EIF1AX: variants seen among roughly 807,000 people sequenced by gnomAD.
EIF1AX encodes eukaryotic translation initiation factor 1A, X-chromosomal.
Under a neutral mutation model 16.1 loss-of-function variants are expected in EIF1AX, and 1 was observed. That is an observed-to-expected ratio of 0.06 (90% CI 0.02 to 0.30). EIF1AX has a LOEUF of 0.30. EIF1AX is among the 10% of genes least tolerant of loss of function. The probability of loss-of-function intolerance (pLI) is 1.00; values close to 1 mark genes in which losing one functional copy is unlikely to be tolerated. For missense variants in EIF1AX, 11 were observed against 109.1 expected, an observed-to-expected ratio of 0.10 and a Z score of 4.00; for synonymous variants, 32 against 37.3, an observed-to-expected ratio of 0.86 and a Z score of 0.51.
intron 2 of EIF1AX, among the ~76,000 whole-genome samples, chrX:20,138,107 C>T (rs1284788502): frequency 1.1e-5 from 1 of 94,344 alleles, no homozygotes; most frequent in Non-Finnish European, 2.0e-5. Context: ...CAGGTTCAAA[C>T]AATTCTCCTG....
chrX:20,129,358 C>T (rs907371832), intron 6 of EIF1AX, among the ~76,000 whole-genome samples: 2 of 111,616 alleles, frequency 1.8e-5, no homozygotes, highest in African/African-American at 6.5e-5. Flanking sequence ...AGGTGATCCT[C>T]CCCTATCAGT....
intron 5 of EIF1AX, among the ~76,000 whole-genome samples, chrX:20,131,541 C>G (rs954771958): frequency 1.8e-5 from 2 of 110,016 alleles, no homozygotes; most frequent in Non-Finnish European, 3.8e-5. Flanking sequence ...CTGAGAATCG[C>G]TTGAACCTGG....
Position 20,140,852 on chromosome X carries a change from G to GTT in EIF1AX, c.16+771_16+772dup, listed in dbSNP as rs1231473739. On this transcript the variant is annotated intron_variant, in intron 1 of 6. Transcript: ENST00000379607. Reference sequence around the variant, plus strand: ...TAGGAGTGTTCTGTTTTTTGTTTTTGTTTTTTTTTTTTTAAGATTAGGCCT... The same window carrying GTT: ...TAGGAGTGTTCTGTTTTTTGTTTTTGTTTTTTTTTTTTTTTAAGATTAGGCCT... Among the ~76,000 whole-genome samples the GTT allele has an allele frequency of 7.1e-3, 693 of 98,250 alleles. 9 individuals are homozygous for GTT. The highest frequency in any genetic ancestry group is 0.024 in the African/African-American group (661 of 27,149). 85.3% of individuals were successfully genotyped at this position (98,250 alleles called of 115,157 possible). A position where few individuals can be genotyped will look rare whatever the true frequency, so the allele number is the denominator to read the frequency against.
chrX:20,138,743 T>G (rs933485508), intron 1 of EIF1AX, 121 bp from the exon 2 acceptor site: 1 of 483,862 alleles, frequency 2.1e-6, no homozygotes, highest in African/African-American at 2.5e-5. Flanking sequence ...AATTAAAAAA[T>G]TCATCTATTT....
chrX:20,137,424 C>T (rs189292196), intron 2 of EIF1AX, among the ~76,000 whole-genome samples: 3,048 of 110,256 alleles, frequency 0.028, 123 homozygotes, highest in African/African-American at 0.096. Context: ...CCAGCCTGGG[C>T]GACAGAGCGA....
At chrX:20,132,568 T>C (rs2067004447) in intron 4 of EIF1AX, among the ~76,000 whole-genome samples, 1 of 112,045 alleles carries the variant, frequency 8.9e-6, no homozygotes. Flanking sequence ...ATCAGAAGTC[T>C]TTTGAAGTAC....
intron 4 of EIF1AX, among the ~76,000 whole-genome samples, chrX:20,132,512 G>T (rs953653106): frequency 9.0e-6 from 1 of 111,680 alleles, no homozygotes; most frequent in Non-Finnish European, 1.9e-5. Context: ...AATAAGAGCA[G>T]AACTGTGCAT....
intron 6 of EIF1AX, among the ~76,000 whole-genome samples, chrX:20,128,897 C>T (rs1569172769): frequency 9.1e-6 from 1 of 110,347 alleles, no homozygotes; most frequent in Non-Finnish European, 1.9e-5. Flanking sequence ...GTGCATGCGG[C>T]TTCATATCCA....
intron 6 of EIF1AX, 142 bp downstream of exon 6, chrX:20,130,371 AAAT>A (rs1357952276): frequency 2.0e-6 from 1 of 490,187 alleles, no homozygotes; most frequent in Non-Finnish European, 2.9e-6. Flanking sequence ...GGTGTCTTCT[AAAT>A]AATATTATTT....
At chrX:20,128,855 G>A (rs1312534151) in intron 6 of EIF1AX, among the ~76,000 whole-genome samples, 2 of 111,003 alleles carry the variant, frequency 1.8e-5, no homozygotes, top group Non-Finnish European at 3.8e-5. Flanking sequence ...AGAAAATCTT[G>A]ACCACGCCTA....
chrX:20,125,045 T>C lies in EIF1AX; in HGVS notation c.*3261A>G. On this transcript the variant is annotated 3_prime_UTR_variant, in exon 7 of 7. Coordinates refer to ENST00000379607, the MANE Select transcript of EIF1AX (RefSeq NM_001412.4). Reference sequence around the variant, plus strand: ...AAATTATCAATCCTCCCAACAATTCTGCATGACAGGTACTGTTTTCATCAT... The same window carrying C: ...AAATTATCAATCCTCCCAACAATTCCGCATGACAGGTACTGTTTTCATCAT... The C allele has an allele frequency of 6.8e-6, 1 of 146,013 alleles. No homozygotes were observed. Among genetic ancestry groups the C allele is most frequent in the Non-Finnish European group, 1.4e-5 (1 of 72,950 alleles). The allele number at this position is 146,013 out of a possible 1,213,427, so 12.0% of individuals were successfully genotyped here.
chrX:20,134,675 T>C (rs1012576717), intron 3 of EIF1AX, among the ~76,000 whole-genome samples: 4 of 110,455 alleles, frequency 3.6e-5, no homozygotes, highest in East Asian at 5.7e-4. Context: ...GAGGCGGAGA[T>C]TGCACTGAGC....
At chrX:20,141,485 G>A in intron 1 of EIF1AX, 140 bp downstream of exon 1, 1 of 706,851 alleles carries the variant, frequency 1.4e-6, no homozygotes, top group Non-Finnish European at 2.0e-6. Context: ...GCTCAGAGTC[G>A]CGTGTGGGGC....
intron 6 of EIF1AX, among the ~76,000 whole-genome samples, chrX:20,129,720 C>A (rs2066995345): frequency 1.8e-5 from 2 of 112,054 alleles, no homozygotes; most frequent in Admixed American, 1.9e-4. Flanking sequence ...CTAAAAATAC[C>A]ATAATTGGCA....
intron 2 of EIF1AX, 108 bp downstream of exon 2, chrX:20,138,431 C>A: frequency 1.5e-6 from 1 of 646,545 alleles, no homozygotes; most frequent in Non-Finnish European, 2.5e-6. Flanking sequence ...ATCGTGCCAC[C>A]ACACTTCACC....
rs537579174 is a variant in EIF1AX, at chrX:20,129,187, A to G, written c.430-876T>C. On this transcript the variant is annotated intron_variant, in intron 6 of 6. Transcript: ENST00000379607. Reference sequence around the variant, plus strand: ...TTGTGTACATGTTAAAATGTCTATAATATTAGTAATTTAACTCACAGTGTG... The same window carrying G: ...TTGTGTACATGTTAAAATGTCTATAGTATTAGTAATTTAACTCACAGTGTG... Among the ~76,000 whole-genome samples, 7 of 111,986 alleles carry G rather than the reference A, an allele frequency of 6.3e-5. No homozygotes were observed. In the South Asian group the frequency reaches 2.2e-3, roughly 35 times the overall value.
intron 2 of EIF1AX, among the ~76,000 whole-genome samples, chrX:20,138,118 C>T (rs2067023390): frequency 9.5e-6 from 1 of 105,068 alleles, no homozygotes; most frequent in South Asian, 4.3e-4. Flanking sequence ...AATTCTCCTG[C>T]CTCAGCCTCC....
At chrX:20,130,302 C>CAAAAAAA (rs773734086) in intron 6 of EIF1AX, among the ~76,000 whole-genome samples, 48 of 28,451 alleles carry the variant, frequency 1.7e-3, no homozygotes, top group Non-Finnish European at 2.0e-3. Flanking sequence ...AACTCCATCA[C>CAAAAAAA]AAAAAAAAAA....
chrX:20,132,258 G>A lies in EIF1AX; in HGVS notation c.261C>T (p.Asn87=). The A allele has an allele frequency of 8.5e-7, 1 of 1,176,003 alleles. No individual in the cohort carries two copies. ...ILVGLRDYQD[N]KADVILKYNA... is the part of the protein sequence containing the mutation. ...TGTATTTTAAAATTACATCAGCTTT[G>A]TTATCCTTAAATAGAGACAAATAAC... The change falls in exon 5 of 7, where the codon AAC becomes AAT. Residue 87 remains asparagine, a synonymous_variant. Coordinates refer to ENST00000379607, the MANE Select transcript of EIF1AX (RefSeq NM_001412.4).
Sources: allele counts gnomAD v4.1 joint callset (sites outside exome capture counted in the v4.1 genomes callset), GRCh38; gene constraint gnomAD v4.1.1; transcripts MANE v1.5; gene names NCBI Gene and HGNC (gene_info 2026-07-23, HGNC 2026-07-21).